GRIK3: variants seen among roughly 807,000 people sequenced by gnomAD.
GRIK3 encodes glutamate receptor ionotropic, kainate 3.
Under a neutral mutation model 102.5 loss-of-function variants are expected in GRIK3, and 29 were observed. That is an observed-to-expected ratio of 0.28 (90% CI 0.21 to 0.39). The LOEUF (loss-of-function observed/expected upper bound fraction) is 0.39, where lower values mean the gene tolerates loss of function less well. Among genes scored for constraint, GRIK3 ranks in the 10% least tolerant of loss-of-function variants. The probability of loss-of-function intolerance (pLI) is 1.00; values close to 1 mark genes in which losing one functional copy is unlikely to be tolerated. For missense variants in GRIK3, 908 were observed against 1,252.4 expected, an observed-to-expected ratio of 0.73 and a Z score of 4.15; for synonymous variants, 511 against 504.9, an observed-to-expected ratio of 1.01 and a Z score of -0.16.
At position 36,852,338 on chromosome 1, in the gene GRIK3, C is replaced by A. The variant is rs148700623; in HGVS notation, c.1212+1277G>T. On this transcript the variant is annotated intron_variant, in intron 8 of 15. Transcript: ENST00000373091. The stretch of plus-strand genomic sequence containing the variant: ...CAGCATTGAGCTAGGCAGAGCCAGC[C>A]TTTGCCTGAGGGACAGAGGTCACAT... Among the ~76,000 whole-genome samples, 483 of 152,332 alleles carry A rather than the reference C, an allele frequency of 3.2e-3. 3 individuals are homozygous for A. Among genetic ancestry groups the A allele is most frequent in the African/African-American group, 0.01 (416 of 41,574 alleles).
chr1:37,025,582 G>A lies in GRIK3; in HGVS notation c.115+8412C>T, dbSNP rs146657916. ...CTTGGCTCCCCGCTCCTGCTTTTCCGCCCAATTGGGCAGCTTTTTGGAATA... is the reference window on the plus strand; with the variant it reads ...CTTGGCTCCCCGCTCCTGCTTTTCCACCCAATTGGGCAGCTTTTTGGAATA... On this transcript the variant is annotated intron_variant, in intron 1 of 15. Coordinates refer to ENST00000373091, the MANE Select transcript of GRIK3 (RefSeq NM_000831.4). Among the ~76,000 whole-genome samples, 10 of 152,270 alleles carry A rather than the reference G, an allele frequency of 6.6e-5. No individual in the cohort carries two copies. In the East Asian group the frequency reaches 1.5e-3, roughly 24 times the overall value.
chr1:37,026,454 T>C (rs1202918587), intron 1 of GRIK3, among the ~76,000 whole-genome samples: 1 of 152,230 alleles, frequency 6.6e-6, no homozygotes, highest in Non-Finnish European at 1.5e-5. Context: ...GCACATGAGA[T>C]GCAGACAGCC....
intron 1 of GRIK3, among the ~76,000 whole-genome samples, chr1:37,022,429 C>G (rs1569577237): frequency 6.6e-6 from 1 of 152,202 alleles, no homozygotes; most frequent in Non-Finnish European, 1.5e-5. Context: ...CCAGTCTCTT[C>G]TTTAAGAAGA....
chr1:36,907,793 A>G (rs767449459), intron 1 of GRIK3, among the ~76,000 whole-genome samples: 42 of 152,224 alleles, frequency 2.8e-4, no homozygotes, highest in Non-Finnish European at 4.4e-4. Context: ...TCCAAGCAGC[A>G]AATATTGAGG....
rs1641111187 is a variant in GRIK3 at position 36,891,185 on chromosome 1, T to A, written c.116-89A>T. The A allele has an allele frequency of 7.3e-6, 7 of 952,882 alleles. No individual in the cohort carries two copies. The South Asian group carries it at 1.2e-4, about 16-fold the overall frequency. 59.0% of individuals were successfully genotyped at this position (952,882 alleles called of 1,614,324 possible). On this transcript the variant is annotated intron_variant, in intron 1 of 15. Coordinates refer to ENST00000373091, the MANE Select transcript of GRIK3 (RefSeq NM_000831.4). Reference sequence around the variant, plus strand: ...TGGCTCAAAAGATTTTATAGACAAGTTGCCTGCTCCCTGAAATGTTCAATA... The same window carrying A: ...TGGCTCAAAAGATTTTATAGACAAGATGCCTGCTCCCTGAAATGTTCAATA...
intron 1 of GRIK3, among the ~76,000 whole-genome samples, chr1:37,020,846 T>C (rs977704579): frequency 3.3e-5 from 5 of 152,266 alleles, no homozygotes; most frequent in South Asian, 4.2e-4. Flanking sequence ...CGCCACCGGC[T>C]ACCCCCGGCC....
chr1:36,867,336 T>A (rs553719), intron 5 of GRIK3, among the ~76,000 whole-genome samples: 1 of 152,006 alleles, frequency 6.6e-6, no homozygotes, highest in Non-Finnish European at 1.5e-5. Context: ...GGCACCATAG[T>A]TATCTGGGGC....
chr1:36,802,096 C>T (rs757094404), intron 15 of GRIK3, 51 bp from the exon 16 acceptor site: 16 of 1,352,940 alleles, frequency 1.2e-5, no homozygotes, highest in Non-Finnish European at 1.5e-5. Flanking sequence ...GAGTGATGCC[C>T]GGTCTTGCAA....
At chr1:36,916,596 C>T (rs538777485) in intron 1 of GRIK3, among the ~76,000 whole-genome samples, 1 of 152,232 alleles carries the variant, frequency 6.6e-6, no homozygotes, top group South Asian at 2.1e-4. Context: ...GTGTCCCAGC[C>T]ACTCCAGCAG....
At chr1:36,843,261 C>T (rs377544423) in intron 9 of GRIK3, among the ~76,000 whole-genome samples, 29 of 152,260 alleles carry the variant, frequency 1.9e-4, no homozygotes, top group African/African-American at 6.7e-4. Context: ...TTGCCGGCAC[C>T]GTCTATCTGG....
chr1:36,810,170 C>A (rs1642546567), intron 13 of GRIK3, among the ~76,000 whole-genome samples: 1 of 152,126 alleles, frequency 6.6e-6, no homozygotes, highest in Non-Finnish European at 1.5e-5. Flanking sequence ...AAATCCAGAG[C>A]CCTTCATGGA....
At chr1:36,874,826 C>G (rs1640895980) in intron 3 of GRIK3, among the ~76,000 whole-genome samples, 1 of 152,200 alleles carries the variant, frequency 6.6e-6, no homozygotes, top group African/African-American at 2.4e-5. Context: ...CCATGTAATG[C>G]ATGGTGACCC....
At chr1:36,954,824 G>C (rs1641884572) in intron 1 of GRIK3, among the ~76,000 whole-genome samples, 2 of 152,214 alleles carry the variant, frequency 1.3e-5, no homozygotes, top group African/African-American at 2.4e-5. Flanking sequence ...CCACAGAAAG[G>C]TGCCCTTCCT....
intron 1 of GRIK3, among the ~76,000 whole-genome samples, chr1:36,946,605 G>A (rs532064264): frequency 5.9e-5 from 9 of 152,298 alleles, no homozygotes; most frequent in East Asian, 1.9e-4. Flanking sequence ...CACATTTGGC[G>A]AATAAGTAAC....
intron 5 of GRIK3, among the ~76,000 whole-genome samples, chr1:36,863,621 T>C (rs1570767458): frequency 6.6e-6 from 1 of 152,172 alleles, no homozygotes; most frequent in East Asian, 1.9e-4. Context: ...CTTGTCTTCT[T>C]GACCTCTCTT....
At chr1:36,912,564 C>T (rs1641357804) in intron 1 of GRIK3, among the ~76,000 whole-genome samples, 1 of 152,078 alleles carries the variant, frequency 6.6e-6, no homozygotes, top group South Asian at 2.1e-4. Flanking sequence ...ACTATTTACA[C>T]CCTAGCCCTC....
chr1:37,004,115 T>TA (rs1048485827), intron 1 of GRIK3, among the ~76,000 whole-genome samples: 6 of 151,762 alleles, frequency 4.0e-5, no homozygotes, highest in Middle Eastern at 3.4e-3. Context: ...AGCCACCTTC[T>TA]AAAAAAAACC....
intron 1 of GRIK3, among the ~76,000 whole-genome samples, chr1:36,910,875 C>G (rs577473225): frequency 6.6e-6 from 1 of 152,208 alleles, no homozygotes; most frequent in Non-Finnish European, 1.5e-5. Context: ...GAACTCCTAG[C>G]TCAGAACAGG....
intron 5 of GRIK3, among the ~76,000 whole-genome samples, chr1:36,860,740 CCAGGTGTCCCT>C (rs1206442149): frequency 5.3e-5 from 8 of 152,172 alleles, no homozygotes; most frequent in African/African-American, 1.9e-4. Flanking sequence ...GAGGGAGAAG[CCAGGTGTCCCT>C]AAGCTAGGAG....
Sources: gnomAD v4.1 joint callset for allele counts (sites outside exome capture counted in the v4.1 genomes callset) on GRCh38, gnomAD v4.1.1 for gene constraint, MANE v1.5 for transcripts, NCBI Gene and HGNC (gene_info 2026-07-23, HGNC 2026-07-21) for gene names.